OPCML: variants seen among roughly 807,000 people sequenced by gnomAD.
The protein encoded by OPCML is opioid-binding protein/cell adhesion molecule.
OPCML carries 13 observed loss-of-function variants against 37.8 expected under a neutral mutation model. The ratio of observed to expected loss-of-function variants is 0.34; its 90% CI spans 0.22 to 0.55. The LOEUF (loss-of-function observed/expected upper bound fraction) is 0.55. Among genes scored for constraint, OPCML ranks in the 20% least tolerant of loss-of-function variants. OPCML has a pLI of 0.91. For missense variants in OPCML, 341 were observed against 435.6 expected (o/e 0.78, Z 1.93); for synonymous variants, 176 against 168.8 (o/e 1.04, Z -0.33).
chr11:133,354,615 G>A (rs532734811), intron 1 of OPCML, among the ~76,000 whole-genome samples: 3 of 152,136 alleles, frequency 2.0e-5, no homozygotes, highest in Non-Finnish European at 4.4e-5. Context: ...TTCGCATTTA[G>A]TAACTGGAAG....
At chr11:133,423,163 T>C (rs2136899366) in intron 1 of OPCML, 11 of 985,406 alleles carry the variant, frequency 1.1e-5, no homozygotes, top group Non-Finnish European at 1.3e-5. Flanking sequence ...AATTTATCTT[T>C]ACATCTTGAA....
chr11:133,217,462 G>A (rs1261692015), intron 1 of OPCML, among the ~76,000 whole-genome samples: 2 of 152,120 alleles, frequency 1.3e-5, no homozygotes, highest in East Asian at 1.9e-4. Context: ...GGGCACCCAC[G>A]GTGTGCTCAG....
intron 2 of OPCML, among the ~76,000 whole-genome samples, chr11:132,681,074 G>A (rs955381104): frequency 6.6e-6 from 1 of 152,224 alleles, no homozygotes; most frequent in Non-Finnish European, 1.5e-5. Flanking sequence ...GGCAACCAGA[G>A]GAGAGTGAGG....
chr11:132,684,293 G>A (rs1475896484), intron 2 of OPCML, among the ~76,000 whole-genome samples: 26 of 152,092 alleles, frequency 1.7e-4, no homozygotes, highest in Admixed American at 1.7e-3. Flanking sequence ...CAACATCTTT[G>A]AGATAGGCAA....
chr11:132,467,119 A>G (rs1374391134), intron 4 of OPCML, among the ~76,000 whole-genome samples: 1 of 152,174 alleles, frequency 6.6e-6, no homozygotes, highest in Non-Finnish European at 1.5e-5. Flanking sequence ...CATTGTTGCT[A>G]GTGGCTGGAG....
intron 2 of OPCML, among the ~76,000 whole-genome samples, chr11:132,901,452 T>C (rs1208348158): frequency 6.6e-6 from 1 of 152,208 alleles, no homozygotes; most frequent in Non-Finnish European, 1.5e-5. Context: ...AAAGATCAGA[T>C]GAATAGCCCA....
At chr11:132,460,456 T>C (rs1041436522) in intron 4 of OPCML, among the ~76,000 whole-genome samples, 1 of 152,156 alleles carries the variant, frequency 6.6e-6, no homozygotes, top group Non-Finnish European at 1.5e-5. Context: ...TTGAGTATCC[T>C]CAGGGGTCAA....
At chr11:133,225,285 A>G (rs1444101235) in intron 1 of OPCML, among the ~76,000 whole-genome samples, 1 of 152,190 alleles carries the variant, frequency 6.6e-6, no homozygotes. Flanking sequence ...TGAGTTCAGA[A>G]ATATTCTCAA....
intron 2 of OPCML, among the ~76,000 whole-genome samples, chr11:132,698,481 T>G (rs1943687076): frequency 6.6e-6 from 1 of 152,200 alleles, no homozygotes; most frequent in Non-Finnish European, 1.5e-5. Context: ...CCATTTTTAA[T>G]AAGGTTTTAT....
chr11:132,761,134 C>A (rs960865074), intron 2 of OPCML, among the ~76,000 whole-genome samples: 3 of 151,530 alleles, frequency 2.0e-5, no homozygotes, highest in Admixed American at 2.0e-4. Context: ...CCCCCACTCT[C>A]TTCTGGCTTG....
intron 1 of OPCML, among the ~76,000 whole-genome samples, chr11:133,446,166 G>A (rs1565638161): frequency 6.6e-6 from 1 of 152,134 alleles, no homozygotes; most frequent in Non-Finnish European, 1.5e-5. Flanking sequence ...GAACTACACA[G>A]TGGTTATGAG....
At chr11:132,756,152 A>G (rs1036805891) in intron 2 of OPCML, among the ~76,000 whole-genome samples, 2 of 152,150 alleles carry the variant, frequency 1.3e-5, no homozygotes, top group Non-Finnish European at 2.9e-5. Context: ...GTATAAGTCA[A>G]TTAAATGCAT....
chr11:132,432,668 T>C (rs2096001254), intron 7 of OPCML, among the ~76,000 whole-genome samples: 1 of 152,200 alleles, frequency 6.6e-6, no homozygotes, highest in South Asian at 2.1e-4. Context: ...CACAAAGTTT[T>C]CCTGTGAGCT....
At chr11:133,345,768 T>C (rs1365437001) in intron 1 of OPCML, among the ~76,000 whole-genome samples, 3 of 152,224 alleles carry the variant, frequency 2.0e-5, no homozygotes, top group African/African-American at 7.2e-5. Context: ...TGGTATCTTC[T>C]AGGCTCAAGC....
chr11:133,221,916 C>G (rs575373870), intron 1 of OPCML, among the ~76,000 whole-genome samples: 1 of 152,290 alleles, frequency 6.6e-6, no homozygotes, highest in South Asian at 2.1e-4. Context: ...AACTAATGTT[C>G]TCTTCTTCTG....
In OPCML at chr11:133,318,133, C is replaced by T. The variant is rs75479981; in HGVS notation, c.61+214131G>A. Among the ~76,000 whole-genome samples, 1,261 of 152,288 alleles carry T rather than the reference C, an allele frequency of 8.3e-3. 22 individuals carry two copies. Among genetic ancestry groups the T allele is most frequent in the African/African-American group, 0.029 (1,192 of 41,554 alleles). ...ATTGTGGCCAGCACTTCTGCACTCT[C>T]CATCACACGCTTTGTGCTGGCTCTT... On this transcript the variant is annotated intron_variant, in intron 1 of 7. Coordinates refer to ENST00000524381, the MANE Select transcript of OPCML (RefSeq NM_001012393.5).
intron 2 of OPCML, among the ~76,000 whole-genome samples, chr11:132,884,806 T>C (rs1489198822): frequency 3.9e-5 from 6 of 152,352 alleles, no homozygotes; most frequent in African/African-American, 1.4e-4. Context: ...TATAGGTGGT[T>C]ATACTCAAAG....
chr11:132,599,442 A>G (rs2137765076), intron 3 of OPCML, among the ~76,000 whole-genome samples: 1 of 151,370 alleles, frequency 6.6e-6, no homozygotes, highest in Non-Finnish European at 1.5e-5. Context: ...GAGGAGAAGG[A>G]AGGAGGAGGA....
rs551219695 is a variant in OPCML at position 133,062,418 on chromosome 11, A to G, written c.62-119408T>C. Among the ~76,000 whole-genome samples, 35 of 152,278 alleles carry G rather than the reference A, an allele frequency of 2.3e-4. 1 individual carries two copies. Among genetic ancestry groups the G allele is most frequent in the Admixed American group, 2.0e-3 (31 of 15,296 alleles). On this transcript the variant is annotated intron_variant, in intron 1 of 7. Transcript: ENST00000524381. Reference sequence around the variant, plus strand: ...TTCAATTCTGACTGGCGTTACCACTATTGACAAATACTGCTGAGTAGTTTT... The same window carrying G: ...TTCAATTCTGACTGGCGTTACCACTGTTGACAAATACTGCTGAGTAGTTTT...
Sources: gnomAD v4.1 joint callset for allele counts (sites outside exome capture counted in the v4.1 genomes callset) on GRCh38, gnomAD v4.1.1 for gene constraint, MANE v1.5 for transcripts, NCBI Gene and HGNC (gene_info 2026-07-23, HGNC 2026-07-21) for gene names.